SPATA17: variants seen among roughly 807,000 people sequenced by gnomAD.
The protein encoded by SPATA17 is spermatogenesis associated 17.
SPATA17 carries 53 observed loss-of-function variants against 62.2 expected under a neutral mutation model. The ratio of observed to expected loss-of-function variants is 0.85; its 90% confidence interval spans 0.68 to 1.07. The LOEUF (loss-of-function observed/expected upper bound fraction) is 1.07, where lower values mean the gene tolerates loss of function less well. SPATA17 is among the 50% of genes least tolerant of loss of function. The pLI, the probability that SPATA17 is intolerant of heterozygous loss-of-function variation, is 0.00. For synonymous variants in SPATA17, 146 were observed against 146.8 expected, an observed-to-expected ratio of 0.99 and a Z score of 0.04; for missense variants, 466 against 425.5, an observed-to-expected ratio of 1.10 and a Z score of -0.84.
intron 8 of SPATA17, among the ~76,000 whole-genome samples, chr1:217,795,593 C>T (rs944453318): frequency 2.6e-5 from 4 of 151,944 alleles, no homozygotes; most frequent in Non-Finnish European, 5.9e-5. Flanking sequence ...TGGTCTTGCA[C>T]TCCTGACCTT....
intron 6 of SPATA17, among the ~76,000 whole-genome samples, chr1:217,757,390 C>A (rs545753692): frequency 6.6e-6 from 1 of 152,110 alleles, no homozygotes; most frequent in Non-Finnish European, 1.5e-5. Context: ...TCAGGGACAG[C>A]GGAGGAAAAC....
At chr1:217,720,104 A>G (rs957828843) in intron 5 of SPATA17, among the ~76,000 whole-genome samples, 1 of 152,194 alleles carries the variant, frequency 6.6e-6, no homozygotes, top group African/African-American at 2.4e-5. Context: ...AAGGGGTAAC[A>G]CTTTCCCCAG....
At chr1:217,666,159 A>G (rs926798318) in intron 3 of SPATA17, among the ~76,000 whole-genome samples, 69 of 152,184 alleles carry the variant, frequency 4.5e-4, no homozygotes, top group Non-Finnish European at 9.9e-4. Context: ...AGTAGACTTG[A>G]TATCTTGATG....
intron 1 of SPATA17, 128 bp downstream of exon 1, chr1:217,631,574 T>A: frequency 5.6e-6 from 5 of 897,976 alleles, no homozygotes; most frequent in Non-Finnish European, 7.0e-6. Flanking sequence ...AATTCTTCCC[T>A]TAATGGGCTG....
At chr1:217,657,275 A>G (rs1389605049) in intron 3 of SPATA17, among the ~76,000 whole-genome samples, 1 of 152,120 alleles carries the variant, frequency 6.6e-6, no homozygotes, top group Non-Finnish European at 1.5e-5. Flanking sequence ...TTCCTTTCAG[A>G]AGGCTAATGT....
chr1:217,768,629 T>C (rs1332332898), intron 6 of SPATA17, among the ~76,000 whole-genome samples: 1 of 151,848 alleles, frequency 6.6e-6, no homozygotes, highest in Admixed American at 6.6e-5. Context: ...GTAGCTGGGA[T>C]TACAGGTGCC....
intron 9 of SPATA17, among the ~76,000 whole-genome samples, chr1:217,816,762 C>T (rs1051567216): frequency 3.3e-5 from 5 of 151,930 alleles, no homozygotes; most frequent in Admixed American, 2.0e-4. Context: ...CTAAAAAGAT[C>T]AATATGTTTT....
At chr1:217,718,915 A>G (rs771489533) in intron 5 of SPATA17, among the ~76,000 whole-genome samples, 1 of 152,220 alleles carries the variant, frequency 6.6e-6, no homozygotes, top group Non-Finnish European at 1.5e-5. Context: ...AGCATCTAAG[A>G]CCATAAATTC....
At chr1:217,811,767 T>C (rs1674596939) in intron 9 of SPATA17, among the ~76,000 whole-genome samples, 1 of 152,148 alleles carries the variant, frequency 6.6e-6, no homozygotes, top group South Asian at 2.1e-4. Context: ...AGTCATTTTA[T>C]TGGCTAAACA....
At chr1:217,723,958 A>G (rs1168992764) in intron 5 of SPATA17, among the ~76,000 whole-genome samples, 7 of 152,248 alleles carry the variant, frequency 4.6e-5, no homozygotes, top group Admixed American at 3.9e-4. Context: ...CTGAAGGGAC[A>G]TGGGCGGAGC....
chr1:217,736,811 T>C (rs1345562600), intron 5 of SPATA17, among the ~76,000 whole-genome samples: 1 of 152,138 alleles, frequency 6.6e-6, no homozygotes, highest in Non-Finnish European at 1.5e-5. Context: ...GCTCAGAAAA[T>C]AGCAAATGGA....
intron 6 of SPATA17, among the ~76,000 whole-genome samples, chr1:217,772,443 T>A (rs72728847): frequency 2.0e-3 from 308 of 152,270 alleles, no homozygotes; most frequent in Non-Finnish European, 3.3e-3. Context: ...TAAAATTTAG[T>A]CTCCAATTAA....
At chr1:217,865,004 T>C (rs1675979709) in intron 10 of SPATA17, among the ~76,000 whole-genome samples, 1 of 152,172 alleles carries the variant, frequency 6.6e-6, no homozygotes, top group South Asian at 2.1e-4. Flanking sequence ...ATTTTGTGAA[T>C]TGACAATATT....
chr1:217,841,389 G>C (rs1352643300), intron 9 of SPATA17, among the ~76,000 whole-genome samples: 1 of 151,826 alleles, frequency 6.6e-6, no homozygotes, highest in African/African-American at 2.4e-5. Flanking sequence ...ATCACAGTTT[G>C]AATTATGAAA....
At chr1:217,638,795 AACC>A (rs1247955696) in intron 1 of SPATA17, among the ~76,000 whole-genome samples, 1 of 152,200 alleles carries the variant, frequency 6.6e-6, no homozygotes, top group Non-Finnish European at 1.5e-5. Context: ...AAAATACTGT[AACC>A]AATTTTTAAA....
At chr1:217,647,923 A>G (rs534548147) in intron 1 of SPATA17, among the ~76,000 whole-genome samples, 8 of 152,116 alleles carry the variant, frequency 5.3e-5, no homozygotes, top group African/African-American at 1.9e-4. Context: ...GAGTTTCACC[A>G]CGTTGGCCAG....
intron 8 of SPATA17, among the ~76,000 whole-genome samples, chr1:217,792,403 G>A (rs1448041763): frequency 6.6e-6 from 1 of 152,182 alleles, no homozygotes; most frequent in Admixed American, 6.5e-5. Context: ...GGGCTGTAAA[G>A]ACATGGCGTT....
chr1:217,674,247 A>C (rs530604685), intron 4 of SPATA17, among the ~76,000 whole-genome samples: 1 of 152,196 alleles, frequency 6.6e-6, no homozygotes, highest in African/African-American at 2.4e-5. Context: ...TCTGAACTTC[A>C]GTTAGACTGA....
intron 9 of SPATA17, among the ~76,000 whole-genome samples, chr1:217,857,646 T>A (rs1276949070): frequency 6.6e-6 from 1 of 152,200 alleles, no homozygotes; most frequent in Non-Finnish European, 1.5e-5. Context: ...TTTTATCATA[T>A]CAGAGGCAAA....
Sources: gnomAD v4.1 joint callset for allele counts (sites outside exome capture counted in the v4.1 genomes callset) on GRCh38, gnomAD v4.1.1 for gene constraint, MANE v1.5 for transcripts, NCBI Gene and HGNC (gene_info 2026-07-23, HGNC 2026-07-21) for gene names.